FYN: variants seen among roughly 807,000 people sequenced by gnomAD.
FYN encodes FYN proto-oncogene, Src family tyrosine kinase.
Under a neutral mutation model 70.2 loss-of-function variants are expected in FYN, and 10 were observed. The ratio of observed to expected loss-of-function variants is 0.14; its 90% CI spans 0.09 to 0.24. The LOEUF is 0.24. Ranked by LOEUF, FYN falls within the 10% of genes least tolerant of loss-of-function variation. The pLI is 1.00. For missense variants in FYN, 319 were observed against 673.1 expected, an observed-to-expected ratio of 0.47 and a Z score of 5.82; for synonymous variants, 236 against 248.6, an observed-to-expected ratio of 0.95 and a Z score of 0.48.
At chr6:111,862,038 T>C (rs555380534) in intron 1 of FYN, among the ~76,000 whole-genome samples, 1 of 152,292 alleles carries the variant, frequency 6.6e-6, no homozygotes, top group East Asian at 1.9e-4. Flanking sequence ...CAGTTAAATG[T>C]TGCTTTGTGA....
At chr6:111,712,968 G>C (rs1216511126) in intron 5 of FYN, among the ~76,000 whole-genome samples, 1 of 152,148 alleles carries the variant, frequency 6.6e-6, no homozygotes, top group Non-Finnish European at 1.5e-5. Context: ...CAACATCACT[G>C]TGTACACTTT....
intron 5 of FYN, among the ~76,000 whole-genome samples, chr6:111,710,737 T>C (rs573687261): frequency 3.5e-4 from 54 of 152,224 alleles, no homozygotes; most frequent in Non-Finnish European, 6.0e-4. Context: ...TTTGATACAC[T>C]AGAAGCACCA....
At chr6:111,718,910 T>C (rs1034034834) in intron 4 of FYN, among the ~76,000 whole-genome samples, 5 of 152,106 alleles carry the variant, frequency 3.3e-5, no homozygotes, top group Non-Finnish European at 7.3e-5. Context: ...ATGTGTGATG[T>C]GTGTTGGGTG....
rs116289563 is a variant in FYN, at chr6:111,819,071, A to G, written c.-82+27518T>C. Reference sequence around the variant, plus strand: ...TTTAACACTGTCAGCAGCTCTCCTCACTAGTCTTGGCTAGGTTTGATCATC... The same window carrying G: ...TTTAACACTGTCAGCAGCTCTCCTCGCTAGTCTTGGCTAGGTTTGATCATC... On this transcript the variant is annotated intron_variant, in intron 2 of 13. Transcript: ENST00000354650. 9.5e-3 allele frequency among the ~76,000 whole-genome samples: 1,440 copies of G among 152,154 alleles called. 13 individuals carry two copies. Among genetic ancestry groups the G allele is most frequent in the Middle Eastern group, 0.02 (6 of 294 alleles).
At chr6:111,778,758 T>G (rs945533822) in intron 3 of FYN, among the ~76,000 whole-genome samples, 2 of 152,088 alleles carry the variant, frequency 1.3e-5, no homozygotes, top group Non-Finnish European at 2.9e-5. Context: ...CCTCCTAAAG[T>G]GCTGGGATTG....
chr6:111,827,664 A>T (rs1390939033), intron 2 of FYN, among the ~76,000 whole-genome samples: 1 of 152,194 alleles, frequency 6.6e-6, no homozygotes, highest in Non-Finnish European at 1.5e-5. Context: ...ATGCCCCCAC[A>T]TACCCTTTCC....
At chr6:111,682,349 A>C (rs1261681665) in intron 12 of FYN, among the ~76,000 whole-genome samples, 1 of 152,224 alleles carries the variant, frequency 6.6e-6, no homozygotes, top group Non-Finnish European at 1.5e-5. Context: ...CAAAGTCATC[A>C]TGTCAGGATG....
chr6:111,856,555 AT>A (rs1342428811), intron 1 of FYN, among the ~76,000 whole-genome samples: 12 of 152,178 alleles, frequency 7.9e-5, no homozygotes, highest in Non-Finnish European at 1.8e-4. Flanking sequence ...ATATGGACAT[AT>A]GTTTTTAAGT....
chr6:111,714,621 T>C, intron 4 of FYN, 178 bp from the exon 5 acceptor site: 1 of 593,406 alleles, frequency 1.7e-6, no homozygotes, highest in Non-Finnish European at 3.0e-6. Context: ...GTTTATGCCT[T>C]GGTCTTTGTA....
At chr6:111,756,940 T>G (rs529375615) in intron 3 of FYN, among the ~76,000 whole-genome samples, 6 of 152,244 alleles carry the variant, frequency 3.9e-5, no homozygotes, top group Non-Finnish European at 8.8e-5. Flanking sequence ...CTATCCCTAC[T>G]TCCTATCCCC....
At chr6:111,741,633 T>C (rs779341490) in intron 3 of FYN, among the ~76,000 whole-genome samples, 18 of 152,158 alleles carry the variant, frequency 1.2e-4, no homozygotes, top group Non-Finnish European at 2.4e-4. Context: ...GGCTTAAAAC[T>C]AGAACCACAA....
At chr6:111,796,664 T>C (rs942037678) in intron 2 of FYN, among the ~76,000 whole-genome samples, 4 of 152,220 alleles carry the variant, frequency 2.6e-5, no homozygotes, top group Admixed American at 2.0e-4. Context: ...GCACATATTA[T>C]GTGCCAGGCC....
At position 111,669,830 on chromosome 6, in the gene FYN, A is replaced by G. The variant is rs147057815; in HGVS notation, c.1405+4669T>C. 1.8e-3 allele frequency among the ~76,000 whole-genome samples: 271 copies of G among 152,136 alleles called. 1 individual carries two copies. The highest frequency in any genetic ancestry group is 6.2e-3 in the African/African-American group (257 of 41,488). ...GTGGACCCTGTGCTGGACCTCGGGA[A>G]TCCATCAAAGGGACTCCCTTCTCTG... On this transcript the variant is annotated intron_variant, in intron 13 of 13. Coordinates refer to ENST00000354650, the MANE Select transcript of FYN (RefSeq NM_002037.5).
At chr6:111,677,922 CAG>C (rs1352466630) in intron 12 of FYN, among the ~76,000 whole-genome samples, 2 of 152,076 alleles carry the variant, frequency 1.3e-5, no homozygotes, top group Non-Finnish European at 2.9e-5. Flanking sequence ...TTAGAGGAAA[CAG>C]AGCAAACTAT....
chr6:111,841,466 G>C (rs530436404), intron 2 of FYN, among the ~76,000 whole-genome samples: 1 of 152,322 alleles, frequency 6.6e-6, no homozygotes, highest in South Asian at 2.1e-4. Context: ...TCAAGTCTGA[G>C]ATATAGTTTT....
Position 111,846,458 on chromosome 6 carries a change from CCT to C in FYN, c.-82+129_-82+130del, listed in dbSNP as rs1028957128. 7.5e-6 allele frequency: 3 copies of C among 397,880 alleles called. No homozygotes were observed. The Admixed American group carries it at 1.3e-4, about 18-fold the overall frequency. The allele number at this position is 397,880 out of a possible 1,614,324, so 24.6% of individuals were successfully genotyped here. A position where few individuals can be genotyped will look rare whatever the true frequency, so the allele number is the denominator to read the frequency against. On this transcript the variant is annotated intron_variant, in intron 2 of 13. Transcript: ENST00000354650. Reference sequence around the variant, plus strand: ...CAAACCAGTTCCTTCTCCAACTCGACCTCTCTCTTAGAAATCTATGGACTCAG... The same window carrying C: ...CAAACCAGTTCCTTCTCCAACTCGACCTCTCTTAGAAATCTATGGACTCAG...
intron 5 of FYN, chr6:111,709,092 A>C (rs2128452095): frequency 6.6e-6 from 1 of 152,250 alleles, no homozygotes; most frequent in East Asian, 1.9e-4. Context: ...GCCCTCAAGC[A>C]AATCAGACCT....
At chr6:111,736,703 G>A (rs527568319) in intron 3 of FYN, among the ~76,000 whole-genome samples, 34 of 152,226 alleles carry the variant, frequency 2.2e-4, no homozygotes, top group African/African-American at 7.7e-4. Context: ...GAAACAAAAT[G>A]GTCCTGTGTA....
chr6:111,738,028 A>G (rs1055809832), intron 3 of FYN, among the ~76,000 whole-genome samples: 9 of 152,154 alleles, frequency 5.9e-5, no homozygotes, highest in Non-Finnish European at 1.5e-5. Context: ...AAACAACACA[A>G]CACCCATCAT....
Sources: gnomAD v4.1 joint callset for allele counts (sites outside exome capture counted in the v4.1 genomes callset) on GRCh38, gnomAD v4.1.1 for gene constraint, MANE v1.5 for transcripts, NCBI Gene and HGNC (gene_info 2026-07-23, HGNC 2026-07-21) for gene names.